Variants in CERS3 observed in about 807,000 individuals in gnomAD.
The protein encoded by CERS3 is LAG1 homolog, ceramide synthase 3.
A neutral mutation model predicts 50.3 loss-of-function variants in CERS3; 33 were observed. The ratio of observed to expected loss-of-function variants is 0.66; its 90% CI spans 0.50 to 0.88. CERS3 has a LOEUF of 0.88. CERS3 is among the 40% of genes least tolerant of loss of function. CERS3 has a pLI of 0.00. For missense variants in CERS3, 470 were observed against 460.3 expected, an observed-to-expected ratio of 1.02 and a Z score of -0.19; for synonymous variants, 176 against 155.2, an observed-to-expected ratio of 1.13 and a Z score of -0.99.
chr15:100,463,927 G>A (rs571061871), intron 10 of CERS3, among the ~76,000 whole-genome samples: 25 of 152,250 alleles, frequency 1.6e-4, no homozygotes, highest in Non-Finnish European at 2.8e-4. Context: ...CCCTCATCCC[G>A]GGTCCCCACT....
At chr15:100,467,139 G>A (rs893931207) in intron 10 of CERS3, among the ~76,000 whole-genome samples, 4 of 151,956 alleles carry the variant, frequency 2.6e-5, no homozygotes, top group African/African-American at 9.7e-5. Context: ...ATAGGCGTGA[G>A]CCACTGCACC....
In CERS3 at chr15:100,479,491, A is replaced by T. The variant is rs1485933543; in HGVS notation, c.466-13T>A. On this transcript the variant is annotated splice_polypyrimidine_tract_variant and intron_variant, in intron 6 of 11. Coordinates refer to ENST00000679737, the MANE Select transcript of CERS3 (RefSeq NM_001378789.1). ...ATAGCCAAGGTTTCTGAAAGAAGAA[A>T]AAAAAAAAGAGCCAACAGATGAGAA... 1 of 1,583,926 alleles carries T rather than the reference A, an allele frequency of 6.3e-7. No individual in the cohort carries two copies.
intron 1 of CERS3, among the ~76,000 whole-genome samples, chr15:100,542,668 C>A (rs890315155): frequency 3.3e-5 from 5 of 152,086 alleles, no homozygotes; most frequent in African/African-American, 1.2e-4. Context: ...CCATAGGGCA[C>A]TTTCTGTATA....
At position 100,479,860 on chromosome 15, in the gene CERS3, G is replaced by C. The variant is rs8040737; in HGVS notation, c.465+129C>G. The stretch of plus-strand genomic sequence containing the variant: ...ATCTGTAGCAATATTTGAGACAAAT[G>C]TTGAATCTTGAGAGAAATCTCTAAA... On this transcript the variant is annotated intron_variant, in intron 6 of 11. Coordinates refer to ENST00000679737, the MANE Select transcript of CERS3 (RefSeq NM_001378789.1). 45,190 of 696,772 alleles carry C rather than the reference G, an allele frequency of 0.065. 1,994 individuals are homozygous for C. Among genetic ancestry groups the C allele is most frequent in the African/African-American group, 0.19 (10,515 of 54,452 alleles). The allele number at this position is 696,772 out of a possible 1,614,324, so 43.2% of individuals were successfully genotyped here.
At chr15:100,493,429 T>A (rs945544068) in intron 3 of CERS3, among the ~76,000 whole-genome samples, 2 of 152,220 alleles carry the variant, frequency 1.3e-5, no homozygotes, top group African/African-American at 4.8e-5. Context: ...TGAGAATTCC[T>A]TGTATGTGAT....
intron 1 of CERS3, among the ~76,000 whole-genome samples, chr15:100,526,192 T>A (rs571214175): frequency 9.9e-5 from 15 of 152,170 alleles, no homozygotes; most frequent in Non-Finnish European, 1.9e-4. Context: ...AAAACATAAG[T>A]CAATCGTTTT....
chr15:100,446,280 TTTGGCACCACAACTTTAACAGGAAAAG>T (rs1162666608), intron 11 of CERS3, among the ~76,000 whole-genome samples: 1 of 152,080 alleles, frequency 6.6e-6, no homozygotes. Flanking sequence ...GTTTTTTTTT[TTTGGCACCACAACTTTAACAGGAAAAG>T]TTGGCTCTCA....
Position 100,497,340 on chromosome 15 carries a change from G to GTA in CERS3, c.173+4335_173+4336dup, listed in dbSNP as rs563318181. 4.3e-4 allele frequency among the ~76,000 whole-genome samples: 58 copies of GTA among 133,692 alleles called. No individual in the cohort carries two copies. The South Asian group carries it at 0.011, about 25-fold the overall frequency. The allele number at this position is 133,692 out of a possible 152,430, so 87.7% of individuals were successfully genotyped here. On this transcript the variant is annotated intron_variant, in intron 3 of 11. Transcript: ENST00000679737. ...TGTGTGTGTGTGTGTGTGTGTGTAT[G>GTA]TATATATATATATAGAGAGAAAAAT...
chr15:100,451,389 G>T (rs899142346), intron 11 of CERS3, among the ~76,000 whole-genome samples: 17 of 151,888 alleles, frequency 1.1e-4, no homozygotes, highest in Non-Finnish European at 2.4e-4. Flanking sequence ...CCTACAAGAA[G>T]TTTATTTCAC....
intron 11 of CERS3, among the ~76,000 whole-genome samples, chr15:100,423,051 C>T (rs1228306381): frequency 1.4e-5 from 2 of 146,436 alleles, no homozygotes; most frequent in South Asian, 2.1e-4. Flanking sequence ...CTAACCTGCA[C>T]ATTGTGCACA....
chr15:100,465,922 G>A (rs941670647), intron 10 of CERS3, among the ~76,000 whole-genome samples: 2 of 152,134 alleles, frequency 1.3e-5, no homozygotes, highest in African/African-American at 4.8e-5. Context: ...GCCTCCCAAA[G>A]TGCTGGGATT....
chr15:100,466,193 G>A (rs2142223583), intron 10 of CERS3, among the ~76,000 whole-genome samples: 1 of 152,282 alleles, frequency 6.6e-6, no homozygotes, highest in African/African-American at 2.4e-5. Context: ...TGGGAAAATA[G>A]CGCACTACCC....
chr15:100,420,111 A>G (rs201591036), intron 11 of CERS3, among the ~76,000 whole-genome samples: 2,354 of 148,444 alleles, frequency 0.016, 26 homozygotes, highest in Admixed American at 0.025. Flanking sequence ...TAGAGACACA[A>G]AAACCCTTCA....
In CERS3 at chr15:100,484,572, G is replaced by T. The variant is rs555208886; in HGVS notation, c.385C>A (p.Leu129Met). ...TACCAAGCTTCCTGGAATTTCTTCA[G>T]CCTGGAAGGCCTCTCTTGATTCCGC... ...SRRNQERPSR[L>M]KKFQEACWRF... Residue 129 changes from leucine (L) to methionine (M), a missense_variant, in exon 5 of 12, where the codon CTG becomes ATG. Physicochemically the swap from Leu to Met is conservative, Grantham distance 15 (BLOSUM62 2). Transcript: ENST00000679737. The T allele has an allele frequency of 1.4e-4, 233 of 1,613,386 alleles. 3 individuals are homozygous for T. In the South Asian group the frequency reaches 2.5e-3, roughly 17 times the overall value.
At chr15:100,415,541 C>T (rs1336730726) in intron 11 of CERS3, among the ~76,000 whole-genome samples, 2 of 152,122 alleles carry the variant, frequency 1.3e-5, no homozygotes, top group East Asian at 1.9e-4. Context: ...TTGGAACACC[C>T]AAATGCCCAT....
At chr15:100,488,748 G>A (rs1338186736) in intron 4 of CERS3, among the ~76,000 whole-genome samples, 2 of 151,008 alleles carry the variant, frequency 1.3e-5, no homozygotes, top group African/African-American at 4.9e-5. Context: ...TGGTTCAATA[G>A]ATGAAGCTAA....
At chr15:100,458,147 C>T (rs551355548) in intron 10 of CERS3, among the ~76,000 whole-genome samples, 1 of 152,130 alleles carries the variant, frequency 6.6e-6, no homozygotes, top group African/African-American at 2.4e-5. Flanking sequence ...GAACTCAGAA[C>T]CAGTATGAAA....
chr15:100,425,262 C>G (rs1234803451), intron 11 of CERS3, among the ~76,000 whole-genome samples: 1 of 152,206 alleles, frequency 6.6e-6, no homozygotes, highest in Non-Finnish European at 1.5e-5. Context: ...GTCCCCCAGA[C>G]CCCAAAATGG....
At chr15:100,436,283 T>G (rs977192987) in intron 11 of CERS3, among the ~76,000 whole-genome samples, 2 of 152,214 alleles carry the variant, frequency 1.3e-5, no homozygotes, top group African/African-American at 4.8e-5. Flanking sequence ...CATGGAATAC[T>G]ATGCAGCCAT....
Sources: allele counts gnomAD v4.1 joint callset (sites outside exome capture counted in the v4.1 genomes callset), GRCh38; gene constraint gnomAD v4.1.1; transcripts MANE v1.5; gene names NCBI Gene and HGNC (gene_info 2026-07-23, HGNC 2026-07-21).